AZIN2: variants seen among roughly 807,000 people sequenced by gnomAD.
The protein encoded by AZIN2 is ODC antizyme inhibitor-2.
Under a neutral mutation model 47.8 loss-of-function variants are expected in AZIN2, and 28 were observed. The ratio of observed to expected loss-of-function variants is 0.59; its 90% confidence interval spans 0.43 to 0.80. AZIN2 has a LOEUF of 0.80. Ranked by LOEUF, AZIN2 falls within the 30% of genes least tolerant of loss-of-function variation. The pLI, the probability that AZIN2 is intolerant of heterozygous loss-of-function variation, is 0.00. For synonymous variants in AZIN2, 221 were observed against 239.4 expected, an observed-to-expected ratio of 0.92 and a Z score of 0.71; for missense variants, 535 against 582.5, an observed-to-expected ratio of 0.92 and a Z score of 0.84.
intron 5 of AZIN2, among the ~76,000 whole-genome samples, chr1:33,088,373 C>T (rs528308099): frequency 1.0e-3 from 157 of 152,346 alleles, no homozygotes; most frequent in South Asian, 1.9e-3. Context: ...CATCTCCCCA[C>T]TTTTCTGGAG....
intron 10 of AZIN2, among the ~76,000 whole-genome samples, chr1:33,110,954 C>T (rs1446689350): frequency 6.6e-6 from 1 of 152,192 alleles, no homozygotes; most frequent in East Asian, 1.9e-4. Flanking sequence ...GAGGAGGGCT[C>T]CTCCCTCCAA....
the AZIN2 span, among the ~76,000 whole-genome samples, chr1:33,131,162 G>C: frequency 6.6e-6 from 1 of 152,220 alleles, no homozygotes; most frequent in Admixed American, 6.5e-5. Context: ...TCAAGGAAGA[G>C]CTGGAGGGAA....
the AZIN2 span, chr1:33,164,331 G>A: frequency 1.3e-5 from 2 of 152,248 alleles, no homozygotes; most frequent in African/African-American, 4.8e-5. Flanking sequence ...GCATTCCTAA[G>A]GCTCTGCCGC....
the AZIN2 span, chr1:33,147,843 G>A: frequency 2.6e-6 from 3 of 1,153,410 alleles, no homozygotes; most frequent in Non-Finnish European, 3.6e-6. This position sits in a 1 kb window ranked among gnomAD's most constrained non-coding sequence, Gnocchi z 8.1. Flanking sequence ...CTGACCTGCT[G>A]TGTGACCTTG....
At chr1:33,140,272 AC>A in the AZIN2 span, among the ~76,000 whole-genome samples, 1 of 152,120 alleles carries the variant, frequency 6.6e-6, no homozygotes, top group Non-Finnish European at 1.5e-5. The surrounding 1 kb of genome is among the most constrained non-coding windows in gnomAD (Gnocchi z 4.0). Flanking sequence ...GCTGGGGTTT[AC>A]CCAGGTCTCG....
chr1:33,126,292 G>A (rs1036023489), downstream of AZIN2, among the ~76,000 whole-genome samples: 1 of 152,152 alleles, frequency 6.6e-6, no homozygotes, highest in Admixed American at 6.5e-5. Flanking sequence ...TTCATTAGGG[G>A]TTCCATCTCC....
the AZIN2 span, chr1:33,143,360 C>G: frequency 6.6e-6 from 1 of 152,178 alleles, no homozygotes; most frequent in Non-Finnish European, 1.5e-5. Flanking sequence ...GGGGGTGCTC[C>G]GACCCCAGAG....
At chr1:33,129,472 T>C in the AZIN2 span, among the ~76,000 whole-genome samples, 2 of 152,230 alleles carry the variant, frequency 1.3e-5, no homozygotes, top group Non-Finnish European at 2.9e-5. This position sits in a 1 kb window ranked among gnomAD's most constrained non-coding sequence, Gnocchi z 4.1. Context: ...AAATTCTACC[T>C]CATTTTAATG....
At chr1:33,126,859 G>T (rs1397661517), downstream of AZIN2, among the ~76,000 whole-genome samples, 1 of 152,154 alleles carries the variant, frequency 6.6e-6, no homozygotes, top group Non-Finnish European at 1.5e-5. Flanking sequence ...CAATATTTGG[G>T]ATAGTCTTAT....
chr1:33,158,623 T>C, the AZIN2 span, among the ~76,000 whole-genome samples: 2 of 152,218 alleles, frequency 1.3e-5, no homozygotes, highest in African/African-American at 4.8e-5. Context: ...TGGCATAACA[T>C]ATACAGATGC....
At chr1:33,118,175 A>C (rs1644649912) in intron 11 of AZIN2, 59 bp downstream of exon 11, 2 of 1,468,666 alleles carry the variant, frequency 1.4e-6, no homozygotes, top group Non-Finnish European at 1.8e-6. Context: ...AAACGAGGGA[A>C]ACTTGAGATT....
intron 10 of AZIN2, among the ~76,000 whole-genome samples, chr1:33,111,631 G>A (rs1015336850): frequency 2.0e-5 from 3 of 150,734 alleles, no homozygotes; most frequent in South Asian, 2.1e-4. Flanking sequence ...TTCCTGAGAC[G>A]GAGTCTTTTT....
the AZIN2 span, among the ~76,000 whole-genome samples, chr1:33,148,034 T>G: frequency 6.6e-6 from 1 of 152,110 alleles, no homozygotes. Context: ...TTAACCAGAA[T>G]GAGGCCTAGA....
chr1:33,098,876 G>A (rs1643424114), intron 10 of AZIN2, among the ~76,000 whole-genome samples: 1 of 151,772 alleles, frequency 6.6e-6, no homozygotes, highest in Non-Finnish European at 1.5e-5. Flanking sequence ...TGATTCTCCT[G>A]CCTCAGCCTC....
At chr1:33,138,183 C>T in the AZIN2 span, among the ~76,000 whole-genome samples, 3 of 152,054 alleles carry the variant, frequency 2.0e-5, no homozygotes, top group East Asian at 1.9e-4. Context: ...GCATCTGCTG[C>T]GGCAGGTTCC....
the AZIN2 span, chr1:33,159,966 G>T: frequency 6.3e-7 from 1 of 1,591,972 alleles, no homozygotes; most frequent in East Asian, 2.2e-5. The surrounding 1 kb of genome is among the most constrained non-coding windows in gnomAD (Gnocchi z 4.2). Flanking sequence ...AGTCGTCAGG[G>T]GTTATGGCTG....
chr1:33,106,883 C>T (rs1644031101), intron 10 of AZIN2, among the ~76,000 whole-genome samples: 1 of 152,142 alleles, frequency 6.6e-6, no homozygotes, highest in Non-Finnish European at 1.5e-5. Context: ...TAGTGTGGTA[C>T]TAGAAGTCCT....
chr1:33,148,230 C>T, the AZIN2 span, among the ~76,000 whole-genome samples: 2 of 152,130 alleles, frequency 1.3e-5, no homozygotes, highest in African/African-American at 2.4e-5. Flanking sequence ...ACACCTTCCC[C>T]GACTCCCAGT....
chr1:33,098,403 G>A (rs1305731796), intron 10 of AZIN2, among the ~76,000 whole-genome samples: 1 of 152,076 alleles, frequency 6.6e-6, no homozygotes, highest in Non-Finnish European at 1.5e-5. Context: ...ATATTGTTTT[G>A]TAACCTGCTT....
Sources: gnomAD v4.1 joint callset for allele counts (sites outside exome capture counted in the v4.1 genomes callset) on GRCh38, gnomAD v4.1.1 for gene constraint, Gnocchi (gnomAD v3.1) non-coding constraint, MANE v1.5 for transcripts, NCBI Gene and HGNC (gene_info 2026-07-23, HGNC 2026-07-21) for gene names.